The following DLGAP2 variants were observed in gnomAD, a reference collection of about 807,000 sequenced individuals.
DLGAP2 encodes the protein DLG associated protein 2.
A neutral mutation model predicts 100.3 loss-of-function variants in DLGAP2; 26 were observed. The ratio of observed to expected loss-of-function variants is 0.26; its 90% CI spans 0.19 to 0.36. The LOEUF (loss-of-function observed/expected upper bound fraction) is 0.36, where lower values mean the gene tolerates loss of function less well. Ranked by LOEUF, DLGAP2 falls within the 10% of genes least tolerant of loss-of-function variation. The pLI is 1.00. For missense variants in DLGAP2, 1,858 were observed against 1,453.2 expected, an observed-to-expected ratio of 1.28 and a Z score of -4.53; for synonymous variants, 886 against 630.1, an observed-to-expected ratio of 1.41 and a Z score of -6.08.
intron 3 of DLGAP2, among the ~76,000 whole-genome samples, chr8:1,362,806 G>A (rs951903066): frequency 6.6e-6 from 1 of 152,218 alleles, no homozygotes; most frequent in African/African-American, 2.4e-5. Context: ...TAGGAGGCGC[G>A]ACCGCCTGGG....
intron 3 of DLGAP2, among the ~76,000 whole-genome samples, chr8:1,271,321 C>G (rs1343026315): frequency 2.6e-5 from 4 of 152,094 alleles, no homozygotes; most frequent in Non-Finnish European, 4.4e-5. Flanking sequence ...GGGGTGCGCC[C>G]ATTTCAATGC....
intron 2 of DLGAP2, among the ~76,000 whole-genome samples, chr8:1,076,878 A>G (rs893822815): frequency 2.9e-5 from 4 of 138,440 alleles, no homozygotes; most frequent in Non-Finnish European, 6.2e-5. Flanking sequence ...CCCAATACCA[A>G]GAGGGGGAGG....
At chr8:1,037,986 G>A (rs1802184544) in intron 2 of DLGAP2, among the ~76,000 whole-genome samples, 1 of 152,242 alleles carries the variant, frequency 6.6e-6, no homozygotes, top group Admixed American at 6.5e-5. Context: ...CACGGAGGAG[G>A]TTGGTGTCCA....
chr8:1,680,394 C>T (rs1398019995), intron 12 of DLGAP2, among the ~76,000 whole-genome samples: 1 of 152,236 alleles, frequency 6.6e-6, no homozygotes, highest in East Asian at 1.9e-4. Flanking sequence ...GCCTTGGAGC[C>T]TCGGCAGTCT....
intron 2 of DLGAP2, among the ~76,000 whole-genome samples, chr8:1,102,344 ATATAT>A (rs1228849854): frequency 6.8e-6 from 1 of 147,638 alleles, no homozygotes; most frequent in Non-Finnish European, 1.5e-5. Flanking sequence ...ATATATAATT[ATATAT>A]TATATATCTA....
intron 5 of DLGAP2, among the ~76,000 whole-genome samples, chr8:1,558,525 C>T (rs1373792977): frequency 6.6e-6 from 1 of 152,056 alleles, no homozygotes; most frequent in African/African-American, 2.4e-5. Context: ...GCATGCACAC[C>T]CATATACCTG....
chr8:856,185 C>CTTTT (rs71223338), intron 1 of DLGAP2, among the ~76,000 whole-genome samples: 5 of 130,552 alleles, frequency 3.8e-5, no homozygotes, highest in African/African-American at 8.5e-5. Flanking sequence ...TCTTCTTCTT[C>CTTTT]TTTTTTTTTT....
At chr8:1,566,410 A>T (rs1802402715) in intron 6 of DLGAP2, among the ~76,000 whole-genome samples, 1 of 152,240 alleles carries the variant, frequency 6.6e-6, no homozygotes, top group Non-Finnish European at 1.5e-5. Flanking sequence ...TAATAAATTT[A>T]ATTTTGAAAA....
chr8:1,200,539 C>A (rs1797848393), intron 2 of DLGAP2, among the ~76,000 whole-genome samples: 1 of 152,148 alleles, frequency 6.6e-6, no homozygotes. Context: ...TCTGGTCTGA[C>A]CCGCCAGCTC....
chr8:1,342,793 G>A (rs369212704), intron 3 of DLGAP2, among the ~76,000 whole-genome samples: 1 of 152,176 alleles, frequency 6.6e-6, no homozygotes, highest in African/African-American at 2.4e-5. Flanking sequence ...AGACTCATGT[G>A]GTGCCTATTT....
intron 3 of DLGAP2, among the ~76,000 whole-genome samples, chr8:1,359,557 G>C (rs1221109040): frequency 6.6e-6 from 1 of 152,268 alleles, no homozygotes; most frequent in Non-Finnish European, 1.5e-5. Context: ...AGGGATTTGG[G>C]CTGAAGCCCA....
In DLGAP2 at chr8:1,631,331, GAGGTGTACT is replaced by G. The variant is rs1797640333; in HGVS notation, c.1591-1492_1591-1484del. On this transcript the variant is annotated intron_variant, in intron 7 of 14. Transcript: ENST00000637795. The stretch of plus-strand genomic sequence containing the variant: ...TCGGGCTTACAGAAGGGTGTCCACT[GAGGTGTACT>G]AGGGCCTCACACAGGTTCTGACCTT... Among the ~76,000 whole-genome samples, 8 of 152,232 alleles carry G rather than the reference GAGGTGTACT, an allele frequency of 5.3e-5. No homozygotes were observed. The South Asian group carries it at 1.7e-3, about 32-fold the overall frequency.
chr8:1,407,273 GCCAC>G (rs1796587625), intron 3 of DLGAP2, among the ~76,000 whole-genome samples: 1 of 23,176 alleles, frequency 4.3e-5, no homozygotes. Context: ...CTTACTGAGC[GCCAC>G]CTCCTCATCC....
intron 3 of DLGAP2, among the ~76,000 whole-genome samples, chr8:1,422,346 A>G (rs1455612252): frequency 3.3e-5 from 5 of 152,130 alleles, no homozygotes; most frequent in Non-Finnish European, 4.4e-5. Context: ...TACCTGTGAA[A>G]TTTCCGTCCA....
intron 6 of DLGAP2, among the ~76,000 whole-genome samples, chr8:1,571,604 T>G (rs1363630278): frequency 2.9e-5 from 3 of 102,932 alleles, no homozygotes; most frequent in African/African-American, 3.9e-5. Context: ...AGGGGCATCT[T>G]CTGGGACGGA....
At chr8:867,552 A>G (rs1797521757) in intron 1 of DLGAP2, among the ~76,000 whole-genome samples, 1 of 152,212 alleles carries the variant, frequency 6.6e-6, no homozygotes, top group African/African-American at 2.4e-5. Context: ...TGCTGCATTC[A>G]GGCTGGACCT....
intron 1 of DLGAP2, among the ~76,000 whole-genome samples, chr8:872,571 C>T (rs1012929250): frequency 6.6e-6 from 1 of 152,054 alleles, no homozygotes; most frequent in Non-Finnish European, 1.5e-5. Flanking sequence ...TCAGGTGATC[C>T]ACCCACCTTG....
chr8:1,633,101 T>C (rs6999936), intron 8 of DLGAP2, 55 bp downstream of exon 8: 90,527 of 1,577,400 alleles, frequency 0.057, 3,008 homozygotes, highest in African/African-American at 0.13. Flanking sequence ...CATACCTGTC[T>C]TCATCCTAGA....
rs904156575 is a variant in DLGAP2 at position 901,229 on chromosome 8, C to A, written c.19-6683C>A. ...TTGAGCTGAGCCCAGGAGGTTGAGGCTGCAGTGAGCTATGATCGCACCATT... is the reference window on the plus strand; with the variant it reads ...TTGAGCTGAGCCCAGGAGGTTGAGGATGCAGTGAGCTATGATCGCACCATT... On this transcript the variant is annotated intron_variant, in intron 1 of 14. Coordinates refer to ENST00000637795, the MANE Select transcript of DLGAP2 (RefSeq NM_001346810.2). Among the ~76,000 whole-genome samples, 4 of 152,180 alleles carry A rather than the reference C, an allele frequency of 2.6e-5. No homozygotes were observed. In the South Asian group the frequency reaches 8.3e-4, roughly 31 times the overall value.
Sources: allele counts gnomAD v4.1 joint callset (sites outside exome capture counted in the v4.1 genomes callset), GRCh38; gene constraint gnomAD v4.1.1; transcripts MANE v1.5; gene names NCBI Gene and HGNC (gene_info 2026-07-23, HGNC 2026-07-21).